Variants in HEPHL1 observed in about 807,000 individuals in gnomAD.
HEPHL1 encodes hephaestin like 1.
In HEPHL1, 123 loss-of-function variants were observed where a neutral mutation model predicts 122.0. That is an observed-to-expected ratio of 1.01 (90% confidence interval 0.87 to 1.17). The LOEUF (loss-of-function observed/expected upper bound fraction) is 1.17. HEPHL1 is among the 50% of genes most tolerant of loss of function. The probability of loss-of-function intolerance (pLI) is 0.00; values close to 1 mark genes in which losing one functional copy is unlikely to be tolerated. For missense variants in HEPHL1, 1,452 were observed against 1,430.5 expected, an observed-to-expected ratio of 1.01 and a Z score of -0.24; for synonymous variants, 527 against 508.9, an observed-to-expected ratio of 1.04 and a Z score of -0.48.
At chr11:94,029,352 C>A (rs1945653451) in intron 1 of HEPHL1, among the ~76,000 whole-genome samples, 1 of 152,170 alleles carries the variant, frequency 6.6e-6, no homozygotes, top group Admixed American at 6.5e-5. Context: ...AATGCCCCCA[C>A]CCAGAAGTGA....
At chr11:94,022,888 T>G (rs1206462311) in intron 1 of HEPHL1, among the ~76,000 whole-genome samples, 2 of 152,184 alleles carry the variant, frequency 1.3e-5, no homozygotes, top group Non-Finnish European at 2.9e-5. Context: ...GGGATAAGAA[T>G]GTTGAAAGTG....
intron 1 of HEPHL1, among the ~76,000 whole-genome samples, chr11:94,042,883 A>AAAAAAAAAAAAAAAAAAAAACAAAC (rs1555058775): frequency 7.6e-6 from 1 of 132,398 alleles, no homozygotes; most frequent in African/African-American, 2.8e-5. Context: ...AATAAAAAAA[A>AAAAAAAAAAAAAAAAAAAAACAAAC]AAAAAAAAAA....
chr11:94,111,959 G>A lies in HEPHL1; in HGVS notation c.*65G>A. 3.2e-6 allele frequency: 4 copies of A among 1,232,832 alleles called. No homozygotes were observed. The highest frequency in any genetic ancestry group is 4.4e-6 in the Non-Finnish European group (4 of 903,920). 76.4% of individuals were successfully genotyped at this position (1,232,832 alleles called of 1,614,324 possible). ...CAGCTGGCCAGATGGCAGCCAACAG[G>A]GAAACTGGACCAAGGCATCACTCAC... is the stretch of plus-strand genomic sequence containing the variant. On this transcript the variant is annotated 3_prime_UTR_variant, in exon 20 of 20. Transcript: ENST00000315765.
chr11:94,109,796 T>C (rs1946435099), intron 17 of HEPHL1, among the ~76,000 whole-genome samples: 1 of 152,228 alleles, frequency 6.6e-6, no homozygotes, highest in African/African-American at 2.4e-5. Context: ...TAGCTTTTTT[T>C]CCTCACAAAG....
chr11:94,105,791 C>G (rs1946403155), intron 16 of HEPHL1, among the ~76,000 whole-genome samples, 200 bp from the exon 17 acceptor site: 1 of 152,116 alleles, frequency 6.6e-6, no homozygotes, highest in South Asian at 2.1e-4. Context: ...TTTCTCTGTT[C>G]TCGCTCTCTT....
chr11:94,097,794 C>T (rs144781757), intron 13 of HEPHL1, among the ~76,000 whole-genome samples: 4,024 of 152,060 alleles, frequency 0.026, 193 homozygotes, highest in African/African-American at 0.092. Context: ...TCTCTTCTGA[C>T]CTTTGTTGGT....
intron 1 of HEPHL1, among the ~76,000 whole-genome samples, chr11:94,037,083 T>G (rs1021799204): frequency 6.6e-6 from 1 of 152,164 alleles, no homozygotes; most frequent in Non-Finnish European, 1.5e-5. Context: ...GGGAGTTCCC[T>G]TTCCGAGTCA....
intron 13 of HEPHL1, among the ~76,000 whole-genome samples, chr11:94,093,971 G>GATAGATAGATAGATATATATATATATAT (rs71036310): frequency 5.5e-5 from 4 of 72,768 alleles, no homozygotes; most frequent in African/African-American, 1.5e-4. Context: ...TCCTCCAGCA[G>GATAGATAGATAGATATATATATATATAT]ATATATATAT....
intron 2 of HEPHL1, among the ~76,000 whole-genome samples, chr11:94,059,469 A>G (rs1377443121): frequency 1.3e-5 from 2 of 152,178 alleles, no homozygotes; most frequent in African/African-American, 4.8e-5. Flanking sequence ...TTTATGAATG[A>G]GCTTAATTCT....
In HEPHL1 at chr11:94,045,908, G is replaced by C; in HGVS notation, c.406G>C (p.Asp136His). ...LHPHGVFYNK[D>H]SEGALYPDGT... ...TCCACATGGCGTTTTCTACAACAAAGATTCAGAAGGTAAATATCAATCCTT... is the reference window on the plus strand; with the variant it reads ...TCCACATGGCGTTTTCTACAACAAACATTCAGAAGGTAAATATCAATCCTT... The change falls in exon 2 of 20, where the codon GAT becomes CAT. Residue 136 changes from aspartate to histidine, a missense_variant. Transcript: ENST00000315765. 2 of 1,613,646 alleles carry C rather than the reference G, an allele frequency of 1.2e-6. No homozygotes were observed. Among genetic ancestry groups the C allele is most frequent in the Non-Finnish European group, 1.7e-6 (2 of 1,179,794 alleles).
intron 8 of HEPHL1, 38 bp from the exon 9 acceptor site, chr11:94,075,136 C>G (rs1252365847): frequency 6.4e-7 from 1 of 1,560,636 alleles, no homozygotes; most frequent in Non-Finnish European, 8.8e-7. Flanking sequence ...AATGTTCTTG[C>G]CTGTTGTTTT....
At chr11:94,043,341 A>G (rs1420692662) in intron 1 of HEPHL1, among the ~76,000 whole-genome samples, 2 of 152,086 alleles carry the variant, frequency 1.3e-5, no homozygotes, top group Non-Finnish European at 2.9e-5. Context: ...CACAAGAAAG[A>G]GATCCTTCAC....
chr11:94,028,659 T>G (rs1045642881), intron 1 of HEPHL1, among the ~76,000 whole-genome samples: 10 of 152,188 alleles, frequency 6.6e-5, no homozygotes, highest in Non-Finnish European at 1.3e-4. Flanking sequence ...GATGTTAGAA[T>G]GCAGATTGAA....
At chr11:94,044,753 T>C (rs1945818241) in intron 1 of HEPHL1, among the ~76,000 whole-genome samples, 1 of 150,682 alleles carries the variant, frequency 6.6e-6, no homozygotes, top group Non-Finnish European at 1.5e-5. Flanking sequence ...AATCTTTTCA[T>C]TCTCCAAACC....
At chr11:94,042,841 A>G (rs1945795775) in intron 1 of HEPHL1, among the ~76,000 whole-genome samples, 2 of 140,676 alleles carry the variant, frequency 1.4e-5, no homozygotes, top group African/African-American at 2.6e-5. Context: ...TAACCTGCAC[A>G]TTGTGCACAT....
chr11:94,097,806 T>C (rs1172373057), intron 13 of HEPHL1, among the ~76,000 whole-genome samples: 1 of 152,218 alleles, frequency 6.6e-6, no homozygotes, highest in East Asian at 1.9e-4. Context: ...TTTGTTGGTT[T>C]AAAGTCTGTT....
intron 1 of HEPHL1, among the ~76,000 whole-genome samples, chr11:94,037,920 C>G (rs1422599382): frequency 1.3e-5 from 2 of 151,364 alleles, no homozygotes; most frequent in African/African-American, 2.4e-5. Flanking sequence ...TCAAATTACT[C>G]TGAGCTACGG....
In HEPHL1 at chr11:94,065,087, T is replaced by C. The variant is rs115880904; in HGVS notation, c.808+577T>C. On this transcript the variant is annotated intron_variant, in intron 4 of 19. Transcript: ENST00000315765. ...CAAAATAGTGAACTTCTATAGTTACTTCATTAGTTGAGATGGGGCACTTAC... is the reference window on the plus strand; with the variant it reads ...CAAAATAGTGAACTTCTATAGTTACCTCATTAGTTGAGATGGGGCACTTAC... Among the ~76,000 whole-genome samples the C allele has an allele frequency of 9.3e-3, 1,414 of 152,306 alleles. 19 individuals are homozygous for C. Among genetic ancestry groups the C allele is most frequent in the African/African-American group, 0.033 (1,353 of 41,548 alleles).
intron 9 of HEPHL1, among the ~76,000 whole-genome samples, chr11:94,080,943 A>G (rs1946165805): frequency 6.6e-6 from 1 of 152,220 alleles, no homozygotes; most frequent in Non-Finnish European, 1.5e-5. Context: ...ATTACTGGGC[A>G]TATACCAAAA....
Sources: allele counts gnomAD v4.1 joint callset (sites outside exome capture counted in the v4.1 genomes callset), GRCh38; gene constraint gnomAD v4.1.1; transcripts MANE v1.5; gene names NCBI Gene and HGNC (gene_info 2026-07-23, HGNC 2026-07-21).